CCDC63: variants seen among roughly 807,000 people sequenced by gnomAD.
CCDC63 encodes the protein coiled-coil domain-containing protein 63.
Under a neutral mutation model 63.6 loss-of-function variants are expected in CCDC63, and 54 were observed. The observed-to-expected ratio is 0.85, with a 90% confidence interval of 0.68 to 1.07. CCDC63 has a LOEUF of 1.07. Among genes scored for constraint, CCDC63 ranks in the 50% least tolerant of loss-of-function variants. The pLI is 0.00. For synonymous variants in CCDC63, 253 were observed against 266.1 expected, an observed-to-expected ratio of 0.95 and a Z score of 0.48; for missense variants, 637 against 689.6, an observed-to-expected ratio of 0.92 and a Z score of 0.86.
chr12:110,898,301 A>G (rs1336817742), intron 9 of CCDC63, among the ~76,000 whole-genome samples: 2 of 150,320 alleles, frequency 1.3e-5, no homozygotes, highest in Admixed American at 6.6e-5. Context: ...AAATAAATAA[A>G]TAAAAATTAA....
chr12:110,893,098 C>A lies in CCDC63; in HGVS notation c.1097C>A (p.Ser366Tyr). The change falls in exon 9 of 12, where the codon TCC becomes TAC. Residue 366 changes from serine to tyrosine, a missense_variant. Coordinates refer to ENST00000308208, the MANE Select transcript of CCDC63 (RefSeq NM_152591.3). ...CAGGACGAGATCATCCTCTTGCGAT[C>A]CCAGCAGAAATTGTCCCACGATGAC... ...RIQDEIILLRSQQKLSHDDNH... is the reference protein window; with the variant it reads ...RIQDEIILLRYQQKLSHDDNH... The A allele has an allele frequency of 6.2e-7, 1 of 1,614,092 alleles. No individual in the cohort carries two copies. Among genetic ancestry groups the A allele is most frequent in the Non-Finnish European group, 8.5e-7 (1 of 1,179,992 alleles).
chr12:110,903,354 G>A (rs2071516008), intron 10 of CCDC63, among the ~76,000 whole-genome samples: 1 of 152,170 alleles, frequency 6.6e-6, no homozygotes, highest in Non-Finnish European at 1.5e-5. Context: ...GCAGCAGTCT[G>A]GATAGTGTGA....
chr12:110,900,043 G>A (rs896952373), intron 10 of CCDC63, among the ~76,000 whole-genome samples: 1 of 151,878 alleles, frequency 6.6e-6, no homozygotes, highest in Non-Finnish European at 1.5e-5. Flanking sequence ...GTGAAACCCT[G>A]TCTCTACTAA....
rs528484887 is a variant in CCDC63 at position 110,902,365 on chromosome 12, G to A, written c.1343-2223G>A. 5.8e-4 allele frequency among the ~76,000 whole-genome samples: 88 copies of A among 152,126 alleles called. 3 individuals carry two copies. The highest frequency in any genetic ancestry group is 3.1e-3 in the South Asian group (15 of 4,818). On this transcript the variant is annotated intron_variant, in intron 10 of 11. Coordinates refer to ENST00000308208, the MANE Select transcript of CCDC63 (RefSeq NM_152591.3). ...CTCCTCTTGTCCTGCTCTGTCCCTG[G>A]CTCACCTGTAGCCACACTATCCTCC...
chr12:110,845,095 T>C (rs1006217904), upstream of CCDC63, among the ~76,000 whole-genome samples: 1 of 152,224 alleles, frequency 6.6e-6, no homozygotes, highest in Non-Finnish European at 1.5e-5. Flanking sequence ...GATTCTGACA[T>C]GTTCTAATTA....
chr12:110,867,145 C>A (rs1201216672), intron 4 of CCDC63, among the ~76,000 whole-genome samples: 242 of 140,104 alleles, frequency 1.7e-3, no homozygotes, highest in African/African-American at 6.1e-3. Context: ...CCACCTCCCT[C>A]CCGGAGGGGG....
chr12:110,872,671 G>T (rs1416638335), intron 4 of CCDC63, among the ~76,000 whole-genome samples: 6 of 152,072 alleles, frequency 3.9e-5, no homozygotes, highest in Admixed American at 1.3e-4. Flanking sequence ...CTCTGTTCAG[G>T]CTGGAGTGCA....
At chr12:110,875,010 G>C (rs1291489101) in intron 5 of CCDC63, among the ~76,000 whole-genome samples, 1 of 152,196 alleles carries the variant, frequency 6.6e-6, no homozygotes, top group Non-Finnish European at 1.5e-5. Context: ...AATGGATTTG[G>C]AAGAAAGCCT....
At chr12:110,881,025 T>C (rs2071199998) in intron 6 of CCDC63, 90 bp from the exon 7 acceptor site, 24 of 1,165,174 alleles carry the variant, frequency 2.1e-5, no homozygotes, top group Non-Finnish European at 2.7e-5. Flanking sequence ...ATAGTCATTC[T>C]CTAGGCAGGA....
intron 1 of CCDC63, among the ~76,000 whole-genome samples, chr12:110,850,983 TAA>T (rs1438827629): frequency 6.6e-6 from 1 of 152,208 alleles, no homozygotes; most frequent in African/African-American, 2.4e-5. Flanking sequence ...AAACCCAAGT[TAA>T]AAGTCATCTT....
intron 4 of CCDC63, among the ~76,000 whole-genome samples, chr12:110,861,712 T>C (rs7315083): frequency 0.1 from 15,539 of 151,272 alleles, 2,713 homozygotes; most frequent in African/African-American, 0.36. Context: ...GTTGGGACTA[T>C]AGGTGCCTGG....
chr12:110,892,020 T>C (rs2071363142), intron 8 of CCDC63, among the ~76,000 whole-genome samples: 1 of 152,206 alleles, frequency 6.6e-6, no homozygotes, highest in Admixed American at 6.5e-5. Flanking sequence ...GGGACAGCAG[T>C]GGCAGCATCA....
chr12:110,880,224 C>T (rs2071181723), intron 6 of CCDC63, 137 bp downstream of exon 6: 1 of 743,510 alleles, frequency 1.3e-6, no homozygotes, highest in African/African-American at 1.8e-5. Context: ...TAATTCTGAG[C>T]ACTGACTGTG....
In CCDC63 at chr12:110,858,770, GAGA is replaced by G; in HGVS notation, c.367_369del (p.Lys123del). 1 of 1,613,082 alleles carries G rather than the reference GAGA, an allele frequency of 6.2e-7. No individual in the cohort carries two copies. ...GAAAGTGCTGTTGGCTGAACTGGATGAGAAGGTGTGGTCTTTCTCTTAAAGGGT... is the reference window on the plus strand; with the variant it reads ...GAAAGTGCTGTTGGCTGAACTGGATGAGGTGTGGTCTTTCTCTTAAAGGGT... On this transcript the variant is annotated inframe_deletion and splice_region_variant, in exon 4 of 12. Coordinates refer to ENST00000308208, the MANE Select transcript of CCDC63 (RefSeq NM_152591.3).
chr12:110,851,945 T>C (rs977865378), intron 1 of CCDC63, among the ~76,000 whole-genome samples: 8 of 152,174 alleles, frequency 5.3e-5, no homozygotes, highest in Admixed American at 1.3e-4. Flanking sequence ...ATCTGATGAT[T>C]GGCACAACCA....
At chr12:110,867,136 C>A (rs2070967228) in intron 4 of CCDC63, among the ~76,000 whole-genome samples, 1 of 142,266 alleles carries the variant, frequency 7.0e-6, no homozygotes, top group South Asian at 2.2e-4. Flanking sequence ...TGACCCCCCC[C>A]ACCTCCCTCC....
rs2071600987 is a variant in CCDC63 at position 110,907,278 on chromosome 12, C to T, written c.1547-53C>T. 29 of 1,582,584 alleles carry T rather than the reference C, an allele frequency of 1.8e-5. 1 individual carries two copies. The South Asian group carries it at 2.7e-4, about 14-fold the overall frequency. On this transcript the variant is annotated intron_variant, in intron 11 of 11. Transcript: ENST00000308208. The surrounding 1 kb of genome is among the most constrained non-coding windows in gnomAD (Gnocchi z 4.4). ...GAGGGACGCCAAACCAGGCTTAGCCCCAGCCCTGGGGTTGATTTCCCAGCA... is the reference window on the plus strand; with the variant it reads ...GAGGGACGCCAAACCAGGCTTAGCCTCAGCCCTGGGGTTGATTTCCCAGCA...
chr12:110,851,141 A>G (rs2070700003), intron 1 of CCDC63, among the ~76,000 whole-genome samples: 1 of 152,048 alleles, frequency 6.6e-6, no homozygotes, highest in Non-Finnish European at 1.5e-5. Flanking sequence ...AGGTATGAGA[A>G]CTCATTTGGT....
In CCDC63 at chr12:110,884,167, GAGA is replaced by G. The variant is rs1566132003; in HGVS notation, c.996_998del (p.Lys332del). ...CATTGAAGATTTTCTGGCCAAGGAG[GAGA>G]AGAATTTTGCTCGGTTCACGTATGT... On this transcript the variant is annotated inframe_deletion, in exon 8 of 12. Coordinates refer to ENST00000308208, the MANE Select transcript of CCDC63 (RefSeq NM_152591.3). The G allele has an allele frequency of 6.2e-7, 1 of 1,614,162 alleles. No homozygotes were observed.
Sources: gnomAD v4.1 joint callset for allele counts (sites outside exome capture counted in the v4.1 genomes callset) on GRCh38, gnomAD v4.1.1 for gene constraint, Gnocchi (gnomAD v3.1) non-coding constraint, MANE v1.5 for transcripts, NCBI Gene and HGNC (gene_info 2026-07-23, HGNC 2026-07-21) for gene names.